The following KCNMA1 variants were observed in gnomAD, a reference collection of about 807,000 sequenced individuals.
KCNMA1 encodes Calcium-activated potassium channel subunit alpha-1.
KCNMA1 carries 29 observed loss-of-function variants against 140.0 expected under a neutral mutation model. The observed-to-expected ratio is 0.21, with a 90% confidence interval of 0.15 to 0.28. The LOEUF is 0.28. KCNMA1 is among the 10% of genes least tolerant of loss of function. The pLI is 1.00. For missense variants in KCNMA1, 880 were observed against 1,602.2 expected, an observed-to-expected ratio of 0.55 and a Z score of 7.70; for synonymous variants, 612 against 611.9, an observed-to-expected ratio of 1.00 and a Z score of 0.00.
chr10:77,387,546 TTTTCTTTTCTTTTTC>T (rs1459556244), intron 2 of KCNMA1, among the ~76,000 whole-genome samples: 7 of 106,718 alleles, frequency 6.6e-5, no homozygotes, highest in Non-Finnish European at 1.4e-4. Flanking sequence ...TTTTCTTTTC[TTTTCTTTTCTTTTTC>T]TTTTCTTTTC....
intron 3 of KCNMA1, among the ~76,000 whole-genome samples, chr10:77,243,018 T>C (rs1439153909): frequency 1.3e-5 from 2 of 152,052 alleles, no homozygotes; most frequent in Admixed American, 1.3e-4. Flanking sequence ...CCCAAGGGCA[T>C]TGTTGCTTTG....
At chr10:77,441,184 G>C (rs1204110345) in intron 1 of KCNMA1, among the ~76,000 whole-genome samples, 2 of 152,152 alleles carry the variant, frequency 1.3e-5, no homozygotes, top group South Asian at 2.1e-4. Flanking sequence ...CTGAACGACT[G>C]AAGATGGCTC....
At chr10:77,579,209 A>G (rs991404103) in intron 1 of KCNMA1, among the ~76,000 whole-genome samples, 2 of 152,266 alleles carry the variant, frequency 1.3e-5, no homozygotes, top group African/African-American at 2.4e-5. Flanking sequence ...GAAATGGCCC[A>G]TGCAGGGCAT....
intron 19 of KCNMA1, among the ~76,000 whole-genome samples, chr10:76,989,309 C>T (rs1030301736): frequency 2.6e-5 from 4 of 152,072 alleles, no homozygotes; most frequent in African/African-American, 9.7e-5. Context: ...CTAGAAGCTG[C>T]GAACTCACAG....
intron 22 of KCNMA1, 150 bp downstream of exon 22, chr10:76,948,992 A>T: frequency 1.3e-6 from 1 of 781,688 alleles, no homozygotes; most frequent in Admixed American, 1.8e-5. Flanking sequence ...ATTTTCCTTG[A>T]CAGAGCATAG....
At chr10:77,486,440 C>T (rs1315084296) in intron 1 of KCNMA1, among the ~76,000 whole-genome samples, 64 of 152,330 alleles carry the variant, frequency 4.2e-4, no homozygotes, top group Non-Finnish European at 8.8e-5. Flanking sequence ...TTATACCCCA[C>T]TTTCCAGGGT....
At chr10:76,900,771 T>A (rs888146226) in intron 25 of KCNMA1, among the ~76,000 whole-genome samples, 2 of 152,082 alleles carry the variant, frequency 1.3e-5, no homozygotes. Context: ...CTAGGAAAAA[T>A]GACAATCGGC....
chr10:77,386,191 G>A (rs1477547134), intron 2 of KCNMA1, among the ~76,000 whole-genome samples: 2 of 152,208 alleles, frequency 1.3e-5, no homozygotes, highest in Non-Finnish European at 2.9e-5. Context: ...CACTGGCTGA[G>A]CCTTTCCTAG....
intron 3 of KCNMA1, among the ~76,000 whole-genome samples, chr10:77,245,365 A>T (rs16934396): frequency 0.019 from 2,817 of 152,228 alleles, 81 homozygotes; most frequent in East Asian, 0.13. Context: ...TTACAGTTTA[A>T]AATGCGCTGT....
intron 1 of KCNMA1, among the ~76,000 whole-genome samples, chr10:77,533,133 C>T (rs563977621): frequency 6.6e-6 from 1 of 152,288 alleles, no homozygotes; most frequent in East Asian, 1.9e-4. Context: ...CTCGTGCATT[C>T]AACAAACCAG....
intron 21 of KCNMA1, chr10:76,952,176 C>T: frequency 1.9e-6 from 3 of 1,550,570 alleles, no homozygotes; most frequent in Non-Finnish European, 2.6e-6. Context: ...CAAGTGGTAA[C>T]ATCAGGCTAA....
At chr10:77,069,291 G>A (rs1335065440) in intron 14 of KCNMA1, among the ~76,000 whole-genome samples, 1 of 152,154 alleles carries the variant, frequency 6.6e-6, no homozygotes, top group Non-Finnish European at 1.5e-5. Flanking sequence ...ACAGGCACCA[G>A]GATGTTCGTG....
intron 14 of KCNMA1, among the ~76,000 whole-genome samples, chr10:77,051,973 T>C (rs898105140): frequency 1.3e-5 from 2 of 152,218 alleles, no homozygotes; most frequent in Non-Finnish European, 2.9e-5. Context: ...GTTTGTACCT[T>C]GTAGACAGTC....
At chr10:77,272,283 T>C (rs1241361884) in intron 2 of KCNMA1, among the ~76,000 whole-genome samples, 1 of 152,246 alleles carries the variant, frequency 6.6e-6, no homozygotes, top group Non-Finnish European at 1.5e-5. Context: ...ACATGCTTTA[T>C]ATACAATTGT....
chr10:76,951,731 G>C (rs1040675678), intron 21 of KCNMA1, among the ~76,000 whole-genome samples: 6 of 152,142 alleles, frequency 3.9e-5, no homozygotes, highest in Admixed American at 2.6e-4. Context: ...GCACCTCCCA[G>C]TCTCTTTCTA....
chr10:77,352,113 C>T (rs558019075), intron 2 of KCNMA1, among the ~76,000 whole-genome samples: 3 of 152,342 alleles, frequency 2.0e-5, no homozygotes, highest in South Asian at 2.1e-4. Context: ...CACAAATGGG[C>T]TAAAACACGT....
chr10:77,181,231 C>A (rs938367996), intron 5 of KCNMA1, among the ~76,000 whole-genome samples: 1 of 152,162 alleles, frequency 6.6e-6, no homozygotes, highest in Non-Finnish European at 1.5e-5. Context: ...AACTGAGGAT[C>A]CAGAAAAGCA....
intron 1 of KCNMA1, among the ~76,000 whole-genome samples, chr10:77,423,420 C>T (rs1427244119): frequency 6.6e-6 from 1 of 152,114 alleles, no homozygotes; most frequent in Non-Finnish European, 1.5e-5. Flanking sequence ...GTCAGAGTAC[C>T]CCAGTTTTAG....
intron 1 of KCNMA1, among the ~76,000 whole-genome samples, chr10:77,529,302 C>T (rs1603633200): frequency 3.9e-5 from 6 of 152,056 alleles, no homozygotes. Flanking sequence ...GTGCTATTCC[C>T]TCTGCCAGGA....
Sources: gnomAD v4.1 joint callset for allele counts (sites outside exome capture counted in the v4.1 genomes callset) on GRCh38, gnomAD v4.1.1 for gene constraint, MANE v1.5 for transcripts, NCBI Gene and HGNC (gene_info 2026-07-23, HGNC 2026-07-21) for gene names.